Variants in CLEC16A observed in about 807,000 individuals in gnomAD.
The protein encoded by CLEC16A is C-type lectin domain containing 16A.
Under a neutral mutation model 109.5 loss-of-function variants are expected in CLEC16A, and 51 were observed. The ratio of observed to expected loss-of-function variants is 0.47; its 90% confidence interval spans 0.37 to 0.59. The LOEUF is 0.59. Ranked by LOEUF, CLEC16A falls within the 20% of genes least tolerant of loss-of-function variation. The pLI, the probability that CLEC16A is intolerant of heterozygous loss-of-function variation, is 0.00. For synonymous variants in CLEC16A, 673 were observed against 564.2 expected (o/e 1.19, Z -2.73); for missense variants, 1,339 against 1,394.0 (o/e 0.96, Z 0.63).
chr16:11,144,742 C>G (rs954681792), intron 22 of CLEC16A, among the ~76,000 whole-genome samples: 1 of 152,202 alleles, frequency 6.6e-6, no homozygotes, highest in Non-Finnish European at 1.5e-5. Flanking sequence ...TGGTGACATT[C>G]TCTTCTGTAG....
chr16:11,051,741 C>G, intron 18 of CLEC16A, 100 bp downstream of exon 18: 1 of 1,459,320 alleles, frequency 6.9e-7, no homozygotes, highest in Admixed American at 1.8e-5. Context: ...CAAGAGCCTG[C>G]CCTCAACACA....
intron 22 of CLEC16A, among the ~76,000 whole-genome samples, chr16:11,127,796 G>A (rs1277585657): frequency 6.6e-6 from 1 of 152,174 alleles, no homozygotes; most frequent in Non-Finnish European, 1.5e-5. Flanking sequence ...CTTGAGCCCA[G>A]GAGGTTGACG....
At chr16:10,984,527 A>G (rs1344664243) in intron 10 of CLEC16A, among the ~76,000 whole-genome samples, 1 of 152,204 alleles carries the variant, frequency 6.6e-6, no homozygotes, top group Non-Finnish European at 1.5e-5. Context: ...TGGATCAGAT[A>G]TGCAAATAAC....
intron 22 of CLEC16A, among the ~76,000 whole-genome samples, chr16:11,153,639 G>A (rs767126025): frequency 2.2e-4 from 33 of 150,294 alleles, no homozygotes; most frequent in Non-Finnish European, 3.7e-4. Context: ...TCTTCTTGAC[G>A]CACATTATAG....
chr16:11,044,412 G>T (rs2047522411), intron 16 of CLEC16A, among the ~76,000 whole-genome samples: 1 of 152,002 alleles, frequency 6.6e-6, no homozygotes, highest in Non-Finnish European at 1.5e-5. Context: ...ATGCACTTAT[G>T]TTCATAAGTT....
intron 23 of CLEC16A, among the ~76,000 whole-genome samples, chr16:11,172,422 A>G (rs1283955050): frequency 6.6e-6 from 1 of 152,188 alleles, no homozygotes; most frequent in Non-Finnish European, 1.5e-5. Flanking sequence ...TAGCCCACTC[A>G]CACCTCTGAG....
At chr16:11,169,216 A>G (rs1176948443) in intron 23 of CLEC16A, among the ~76,000 whole-genome samples, 1 of 152,152 alleles carries the variant, frequency 6.6e-6, no homozygotes, top group Non-Finnish European at 1.5e-5. Flanking sequence ...TTTTGTAGAG[A>G]GCGGCTGCCA....
At chr16:10,965,484 A>G (rs1476212834) in intron 3 of CLEC16A, among the ~76,000 whole-genome samples, 1 of 152,136 alleles carries the variant, frequency 6.6e-6, no homozygotes, top group African/African-American at 2.4e-5. Context: ...CCACCTTCCC[A>G]GTGTATCCTA....
chr16:11,027,297 C>G, intron 13 of CLEC16A: 3 of 1,533,722 alleles, frequency 2.0e-6, no homozygotes, highest in Non-Finnish European at 1.8e-6. Context: ...CTTTGTTGTA[C>G]GCATCGAAAG....
chr16:10,963,456 C>T (rs938814021), intron 3 of CLEC16A, among the ~76,000 whole-genome samples: 2 of 152,142 alleles, frequency 1.3e-5, no homozygotes, highest in Admixed American at 1.3e-4. Context: ...GTTTGCAGTT[C>T]TTCTTTATGA....
At chr16:11,027,612 A>G (rs1166945462) in intron 13 of CLEC16A, 24 of 1,559,504 alleles carry the variant, frequency 1.5e-5, no homozygotes, top group East Asian at 8.9e-5. Flanking sequence ...ATTCCCAGGG[A>G]AGCATTTCCA....
chr16:11,111,149 C>T (rs574187961), intron 19 of CLEC16A, among the ~76,000 whole-genome samples: 26 of 152,290 alleles, frequency 1.7e-4, no homozygotes, highest in African/African-American at 6.0e-4. Context: ...CTGGATGTAG[C>T]ACTAAATTAA....
intron 19 of CLEC16A, among the ~76,000 whole-genome samples, chr16:11,069,048 G>T (rs999871313): frequency 5.3e-5 from 8 of 150,902 alleles, no homozygotes; most frequent in African/African-American, 1.7e-4. Context: ...GGCCATGCTG[G>T]TCTCAAACTC....
chr16:11,130,114 T>C (rs191113691), intron 22 of CLEC16A, among the ~76,000 whole-genome samples: 242 of 152,312 alleles, frequency 1.6e-3, no homozygotes, highest in African/African-American at 5.6e-3. Flanking sequence ...GGCTGATGCC[T>C]TTGTGTGCCT....
At chr16:11,019,155 G>A (rs1222468810) in intron 11 of CLEC16A, among the ~76,000 whole-genome samples, 4 of 152,098 alleles carry the variant, frequency 2.6e-5, no homozygotes, top group Non-Finnish European at 4.4e-5. Context: ...TATGTCTCCC[G>A]AAGGTGGGGA....
At position 11,051,558 on chromosome 16, in the gene CLEC16A, C is replaced by G. The variant is rs369208594; in HGVS notation, c.1912C>G (p.Leu638Val). 3 of 1,613,928 alleles carry G rather than the reference C, an allele frequency of 1.9e-6. No individual in the cohort carries two copies. The African/African-American group carries it at 4.0e-5, about 22-fold the overall frequency. Residue 638 changes from leucine (L) to valine (V), a missense_variant, in exon 18 of 24, where the codon CTG becomes GTG. Leu to Val is a conservative substitution (Grantham distance 32). Around this residue, in one of 3 missense-constraint regions of CLEC16A, gnomAD observed 1,061 missense variants for 1,006.8 expected, o/e 1.05. Coordinates refer to ENST00000409790, the MANE Select transcript of CLEC16A (RefSeq NM_015226.3). ...VEYLMMDASI[L>V]LPPTGTPLTG... is the part of the protein sequence containing the mutation. Reference sequence around the variant, plus strand: ...ATATCTCATGATGGACGCCTCCATCCTGCTGCCCCCAACAGGCACGCCACT... The same window carrying G: ...ATATCTCATGATGGACGCCTCCATCGTGCTGCCCCCAACAGGCACGCCACT...
chr16:11,168,122 C>G (rs1002038065), intron 23 of CLEC16A, among the ~76,000 whole-genome samples: 1 of 152,192 alleles, frequency 6.6e-6, no homozygotes, highest in Non-Finnish European at 1.5e-5. Flanking sequence ...CAAAGACCCA[C>G]AGTATCAAAA....
intron 11 of CLEC16A, among the ~76,000 whole-genome samples, chr16:11,017,824 G>A (rs995331392): frequency 1.3e-5 from 2 of 152,020 alleles, no homozygotes; most frequent in Non-Finnish European, 2.9e-5. Context: ...TCCTCAAAAT[G>A]TCCAGGTCAT....
At chr16:11,009,705 G>T (rs1362338184) in intron 11 of CLEC16A, among the ~76,000 whole-genome samples, 3 of 152,188 alleles carry the variant, frequency 2.0e-5, no homozygotes, top group East Asian at 1.9e-4. Flanking sequence ...ACTTAAGGGG[G>T]CAGTGCAAAG....
Sources: gnomAD v4.1 joint callset for allele counts (sites outside exome capture counted in the v4.1 genomes callset) on GRCh38, gnomAD v4.1.1 for gene constraint, gnomAD v4.1.1 regional missense constraint, MANE v1.5 for transcripts, NCBI Gene and HGNC (gene_info 2026-07-23, HGNC 2026-07-21) for gene names.